TNS1: variants seen among roughly 807,000 people sequenced by gnomAD.
TNS1 encodes the protein tensin-1.
Under a neutral mutation model 168.6 loss-of-function variants are expected in TNS1, and 62 were observed. The ratio of observed to expected loss-of-function variants is 0.37; its 90% CI spans 0.30 to 0.45. The LOEUF is 0.45. Among genes scored for constraint, TNS1 ranks in the 20% least tolerant of loss-of-function variants. The pLI is 1.00. For missense variants in TNS1, 2,240 were observed against 2,339.4 expected (o/e 0.96, Z 0.88); for synonymous variants, 934 against 933.2 (o/e 1.00, Z -0.02).
intron 3 of TNS1, among the ~76,000 whole-genome samples, chr2:217,923,115 A>G (rs914554107): frequency 2.6e-5 from 4 of 152,096 alleles, no homozygotes; most frequent in Admixed American, 1.3e-4. Context: ...GGGCCCAGGT[A>G]AGGAAGCCTC....
At chr2:217,885,302 A>C in intron 15 of TNS1, 138 bp from the exon 16 acceptor site, 2 of 1,228,368 alleles carry the variant, frequency 1.6e-6, no homozygotes, top group Non-Finnish European at 2.2e-6. Context: ...ATCAACACCA[A>C]ACAGGATCTC....
intron 22 of TNS1, among the ~76,000 whole-genome samples, chr2:217,828,819 A>C (rs1230087764): frequency 6.6e-6 from 1 of 152,204 alleles, no homozygotes; most frequent in Non-Finnish European, 1.5e-5. Flanking sequence ...AGATTTCCTG[A>C]AACACGCGAA....
At chr2:217,881,815 C>T (rs1009036010) in intron 17 of TNS1, 6 of 152,344 alleles carry the variant, frequency 3.9e-5, no homozygotes, top group African/African-American at 1.4e-4. Context: ...GAGTTACCTT[C>T]CTGGCTTGGC....
At chr2:217,807,961 G>T (rs1939500501) in intron 32 of TNS1, 114 bp downstream of exon 32, 9 of 1,297,528 alleles carry the variant, frequency 6.9e-6, no homozygotes, top group Non-Finnish European at 8.7e-6. Flanking sequence ...TGGCACAAAG[G>T]TTTTTGCTGC....
In TNS1 at chr2:217,982,983, AC is replaced by A. The variant is rs35805526; in HGVS notation, c.149-4182del. Among the ~76,000 whole-genome samples, 6 of 151,902 alleles carry A rather than the reference AC, an allele frequency of 3.9e-5. No individual in the cohort carries two copies. In the East Asian group the frequency reaches 5.8e-4, roughly 15 times the overall value. ...TATTCTGTAACAGCCCGACTAAGAC[AC>A]CCCCCACCACCAATGCCACCCACCC... On this transcript the variant is annotated intron_variant, in intron 2 of 32. Coordinates refer to ENST00000682258, the MANE Select transcript of TNS1 (RefSeq NM_001387777.1).
chr2:217,815,317 G>C (rs77674767), intron 24 of TNS1: 3,098 of 305,376 alleles, frequency 0.01, 108 homozygotes, highest in African/African-American at 0.059. Flanking sequence ...CAAGAAACTG[G>C]GAGAGAGGCC....
intron 1 of TNS1, among the ~76,000 whole-genome samples, chr2:218,020,016 C>T (rs890635264): frequency 2.0e-5 from 3 of 152,092 alleles, no homozygotes; most frequent in Non-Finnish European, 4.4e-5. Flanking sequence ...TGAAGTGGAT[C>T]CTCCGGGTGC....
At chr2:217,951,263 G>T (rs1195311319) in intron 3 of TNS1, among the ~76,000 whole-genome samples, 2 of 152,092 alleles carry the variant, frequency 1.3e-5, no homozygotes, top group African/African-American at 4.8e-5. Flanking sequence ...CTCCATAAAT[G>T]TTGGCTCCCC....
rs919642757 is a variant in TNS1, at chr2:217,804,693, G to A, written c.5376-90C>T. The A allele has an allele frequency of 4.6e-6, 7 of 1,527,186 alleles. No homozygotes were observed. The African/African-American group carries it at 8.2e-5, about 18-fold the overall frequency. 94.6% of individuals were successfully genotyped at this position (1,527,186 alleles called of 1,614,324 possible). The stretch of plus-strand genomic sequence containing the variant: ...AGCCCAGGTGAGCAAGCTGGTCTCA[G>A]GCCAACCTCTCTTCCCCATCCCTCC... On this transcript the variant is annotated intron_variant, in intron 32 of 32. Transcript: ENST00000682258.
rs1169969068 is a variant in TNS1 at position 217,808,525 on chromosome 2, ACATGCACATG to A, written c.5342+68_5342+77del. 9.8e-6 allele frequency: 13 copies of A among 1,327,110 alleles called. No homozygotes were observed. The Admixed American group carries it at 2.0e-4, about 21-fold the overall frequency. 82.2% of individuals were successfully genotyped at this position (1,327,110 alleles called of 1,614,324 possible). A position where few individuals can be genotyped will look rare whatever the true frequency, so the allele number is the denominator to read the frequency against. ...TGCACATGCACACACACACACACAC[ACATGCACATG>A]CATGCACCCACACAGACGTCAGTGT... On this transcript the variant is annotated intron_variant, in intron 31 of 32. Coordinates refer to ENST00000682258, the MANE Select transcript of TNS1 (RefSeq NM_001387777.1).
In TNS1 at chr2:217,945,760, T is replaced by C. The variant is rs564131217; in HGVS notation, c.187-25524A>G. On this transcript the variant is annotated intron_variant, in intron 3 of 32. Coordinates refer to ENST00000682258, the MANE Select transcript of TNS1 (RefSeq NM_001387777.1). ...GTCTCCCACTCACTGGTCCCAACTC[T>C]ACGGCAAAGGTGACCCCAACAACAT... 3.3e-5 allele frequency among the ~76,000 whole-genome samples: 5 copies of C among 152,240 alleles called. No homozygotes were observed. The South Asian group carries it at 1.0e-3, about 32-fold the overall frequency.
intron 4 of TNS1, among the ~76,000 whole-genome samples, chr2:217,919,117 C>T (rs985820879): frequency 2.6e-5 from 4 of 152,222 alleles, no homozygotes; most frequent in African/African-American, 9.6e-5. Context: ...GAACACTCAT[C>T]AACATGGAGG....
chr2:217,844,445 C>G (rs1009646442), intron 19 of TNS1, among the ~76,000 whole-genome samples: 1 of 152,152 alleles, frequency 6.6e-6, no homozygotes, highest in Non-Finnish European at 1.5e-5. Context: ...CATCCAGAGA[C>G]AGACCCCAGG....
In TNS1 at chr2:217,900,458, C is replaced by T; in HGVS notation, c.371+5G>A. ...CCGCCCCCTGCCCCCACGGGCCAGG[C>T]ATACCTGATGGGCTGGAGGTGGGGC... On this transcript the variant is annotated splice_donor_5th_base_variant and intron_variant, in intron 7 of 32. Transcript: ENST00000682258. 6.5e-7 allele frequency: 1 copy of T among 1,535,222 alleles called. No homozygotes were observed. The highest frequency in any genetic ancestry group is 2.4e-5 in the East Asian group (1 of 40,900).
intron 12 of TNS1, among the ~76,000 whole-genome samples, chr2:217,889,641 C>A (rs925204918): frequency 1.3e-5 from 2 of 152,242 alleles, no homozygotes; most frequent in African/African-American, 4.8e-5. Context: ...CACTCTCTAG[C>A]CATCATAGTT....
chr2:218,021,124 C>T lies in TNS1; in HGVS notation c.156+12696G>A, dbSNP rs561786150. On this transcript the variant is annotated intron_variant, in intron 1 of 1. Coordinates refer to the TNS1 transcript ENST00000649572. ...GCCGCTGACCCCAGCCCCTTGCCCCCGACTCCTCACCACACTGGCAGGAGG... is the reference window on the plus strand; with the variant it reads ...GCCGCTGACCCCAGCCCCTTGCCCCTGACTCCTCACCACACTGGCAGGAGG... 2.6e-5 allele frequency among the ~76,000 whole-genome samples: 4 copies of T among 152,352 alleles called. No individual in the cohort carries two copies. The South Asian group carries it at 8.3e-4, about 32-fold the overall frequency.
chr2:217,894,740 A>T (rs979373134), intron 9 of TNS1, among the ~76,000 whole-genome samples: 5 of 152,088 alleles, frequency 3.3e-5, no homozygotes, highest in African/African-American at 1.2e-4. Context: ...CCAAAAACTA[A>T]ACATCTCACA....
upstream of TNS1, among the ~76,000 whole-genome samples, chr2:218,011,991 A>C (rs528173385): frequency 2.6e-3 from 391 of 152,284 alleles, 2 homozygotes; most frequent in African/African-American, 8.9e-3. Context: ...CCCACACTAA[A>C]GTGAGCCCAT....
At chr2:217,811,476 T>C (rs1420834489) in intron 28 of TNS1, among the ~76,000 whole-genome samples, 1 of 152,136 alleles carries the variant, frequency 6.6e-6, no homozygotes, top group Admixed American at 6.5e-5. Flanking sequence ...GGCGGTGTTA[T>C]GTGTGGGCAT....
Sources: allele counts gnomAD v4.1 joint callset (sites outside exome capture counted in the v4.1 genomes callset), GRCh38; gene constraint gnomAD v4.1.1; transcripts MANE v1.5; gene names NCBI Gene and HGNC (gene_info 2026-07-23, HGNC 2026-07-21).